Variants in TUSC3 observed in about 807,000 individuals in gnomAD.
The protein encoded by TUSC3 is dolichyl-diphosphooligosaccharide--protein glycosyltransferase subunit TUSC3.
TUSC3 carries 45 observed loss-of-function variants against 44.8 expected under a neutral mutation model. The observed-to-expected ratio is 1.00, with a 90% confidence interval of 0.79 to 1.29. TUSC3 has a LOEUF of 1.29. Ranked by LOEUF, TUSC3 falls within the 50% of genes most tolerant of loss-of-function variation. TUSC3 has a pLI of 0.00. For synonymous variants in TUSC3, 212 were observed against 152.9 expected, an observed-to-expected ratio of 1.39 and a Z score of -2.85; for missense variants, 519 against 437.9, an observed-to-expected ratio of 1.19 and a Z score of -1.65.
chr8:15,790,177 GC>G, the TUSC3 span, among the ~76,000 whole-genome samples: 4 of 132,378 alleles, frequency 3.0e-5, 1 homozygote, highest in East Asian at 6.6e-4. Flanking sequence ...CATTGTTAAG[GC>G]CTTTTTTTTT....
chr8:15,441,128 C>G (rs1458253100), intron 1 of TUSC3, among the ~76,000 whole-genome samples: 1 of 152,230 alleles, frequency 6.6e-6, no homozygotes, highest in Non-Finnish European at 1.5e-5. Flanking sequence ...AAGTGATGGC[C>G]AGGCACAGTG....
chr8:15,542,168 T>TGGGACAACTCAAAGGGGGAGGGGC (rs1801714521), intron 1 of TUSC3, among the ~76,000 whole-genome samples: 1 of 151,814 alleles, frequency 6.6e-6, no homozygotes, highest in Non-Finnish European at 1.5e-5. Flanking sequence ...TCTGGAAGGG[T>TGGGACAACTCAAAGGGGGAGGGGC]GGGACAACTC....
At chr8:15,489,822 C>A (rs1166885404) in intron 2 of TUSC3, among the ~76,000 whole-genome samples, 1 of 152,140 alleles carries the variant, frequency 6.6e-6, no homozygotes, top group Non-Finnish European at 1.5e-5. Flanking sequence ...TTTGGAATCC[C>A]CTTGGCCAAC....
intron 3 of TUSC3, among the ~76,000 whole-genome samples, chr8:15,656,832 G>A (rs1807191244): frequency 6.6e-6 from 1 of 152,226 alleles, no homozygotes; most frequent in Non-Finnish European, 1.5e-5. Context: ...TTAGGTGAAG[G>A]AAGACATACC....
chr8:15,762,362 C>T (rs1812197480), intron 10 of TUSC3, among the ~76,000 whole-genome samples: 2 of 151,822 alleles, frequency 1.3e-5, no homozygotes, highest in South Asian at 4.1e-4. Context: ...ATATAAACAA[C>T]TGATTGTTAC....
intron 6 of TUSC3, among the ~76,000 whole-genome samples, chr8:15,721,523 G>C (rs960651795): frequency 6.6e-6 from 1 of 151,902 alleles, no homozygotes; most frequent in African/African-American, 2.4e-5. Flanking sequence ...AGCTACAAAA[G>C]TAATTACAGC....
the TUSC3 span, among the ~76,000 whole-genome samples, chr8:15,784,573 A>G: frequency 6.6e-6 from 1 of 152,046 alleles, no homozygotes; most frequent in East Asian, 1.9e-4. Context: ...GTGGAATACC[A>G]TTTAGCCTTT....
intron 1 of TUSC3, among the ~76,000 whole-genome samples, chr8:15,470,609 A>T (rs1397875685): frequency 2.0e-5 from 3 of 152,188 alleles, no homozygotes; most frequent in African/African-American, 7.2e-5. Flanking sequence ...CATGAAGAAT[A>T]AAGTGTATTT....
chr8:15,605,184 A>G (rs1482019242), intron 1 of TUSC3, among the ~76,000 whole-genome samples: 2 of 151,922 alleles, frequency 1.3e-5, no homozygotes, highest in Non-Finnish European at 2.9e-5. Flanking sequence ...ATCAATCAAT[A>G]GATGGGAAGA....
At position 15,748,396 on chromosome 8, in the gene TUSC3, GC is replaced by G; in HGVS notation, c.961del (p.Leu321TrpfsTer32). ...KRRIICLVGL[G>X]LVVFFFSFLL... ...CTAGTAATTTGCCTAGTGGGATTGG[GC>G]CTGGTGGTCTTCTTCTTCAGTTTTC... On this transcript the variant is annotated frameshift_variant, in exon 9 of 11. Transcript: ENST00000503731. LOFTEE classifies it high-confidence loss of function. 1 of 1,613,454 alleles carries G rather than the reference GC, an allele frequency of 6.2e-7. No individual in the cohort carries two copies. The highest frequency in any genetic ancestry group is 8.5e-7 in the Non-Finnish European group (1 of 1,179,556).
intron 7 of TUSC3, among the ~76,000 whole-genome samples, chr8:15,743,004 T>G (rs1811258463): frequency 6.6e-6 from 1 of 152,224 alleles, no homozygotes; most frequent in African/African-American, 2.4e-5. Flanking sequence ...CTAGATTCAT[T>G]AAATTGTTTT....
intron 7 of TUSC3, among the ~76,000 whole-genome samples, chr8:15,737,970 G>A (rs905875500): frequency 1.3e-5 from 2 of 152,070 alleles, no homozygotes; most frequent in Non-Finnish European, 2.9e-5. Context: ...TAAGCTAAAC[G>A]ATTCTCAACT....
chr8:15,432,733 G>A (rs575728049), intron 1 of TUSC3, among the ~76,000 whole-genome samples: 83 of 151,898 alleles, frequency 5.5e-4, no homozygotes, highest in Admixed American at 7.2e-4. Context: ...TGTGCATCTC[G>A]GATCCCCTCA....
chr8:15,654,752 G>A lies in TUSC3; in HGVS notation c.426+3938G>A, dbSNP rs937856649. ...ATTGAGGTTGCAGTGAGCCGAGATC[G>A]TGCCATTGCCCTCCAGCCTGGGTGA... On this transcript the variant is annotated intron_variant, in intron 3 of 10. Transcript: ENST00000503731. Among the ~76,000 whole-genome samples, 4 of 152,000 alleles carry A rather than the reference G, an allele frequency of 2.6e-5. No homozygotes were observed. The South Asian group carries it at 6.2e-4, about 24-fold the overall frequency.
At chr8:15,531,656 G>T (rs1300628996) in intron 2 of TUSC3, among the ~76,000 whole-genome samples, 4 of 152,212 alleles carry the variant, frequency 2.6e-5, no homozygotes, top group African/African-American at 4.8e-5. Context: ...CTTCTGAGAA[G>T]GCAAGAATTG....
At chr8:15,752,297 G>C (rs1331778647) in intron 9 of TUSC3, among the ~76,000 whole-genome samples, 1 of 152,008 alleles carries the variant, frequency 6.6e-6, no homozygotes, top group Non-Finnish European at 1.5e-5. Context: ...TATGTTCATG[G>C]TATATTCTGA....
chr8:15,608,346 C>G (rs899338851), intron 1 of TUSC3, among the ~76,000 whole-genome samples: 11 of 151,716 alleles, frequency 7.3e-5, no homozygotes, highest in Non-Finnish European at 1.6e-4. Context: ...TTTTTGTAAA[C>G]AATAAATTCC....
At chr8:15,461,897 A>T (rs911187014) in intron 1 of TUSC3, among the ~76,000 whole-genome samples, 8 of 152,138 alleles carry the variant, frequency 5.3e-5, no homozygotes, top group Admixed American at 5.2e-4. Flanking sequence ...GTATAAAAAA[A>T]TACTGTATGA....
chr8:15,463,594 T>G (rs192824443), intron 1 of TUSC3, among the ~76,000 whole-genome samples: 22 of 152,300 alleles, frequency 1.4e-4, no homozygotes, highest in African/African-American at 4.3e-4. Flanking sequence ...TTCATATTGT[T>G]TAATGGGCTG....
Sources: allele counts gnomAD v4.1 joint callset (sites outside exome capture counted in the v4.1 genomes callset), GRCh38; gene constraint gnomAD v4.1.1; transcripts MANE v1.5; gene names NCBI Gene and HGNC (gene_info 2026-07-23, HGNC 2026-07-21).